Variants in GRID2 observed in about 807,000 individuals in gnomAD.
GRID2 encodes glutamate ionotropic receptor delta type subunit 2.
In GRID2, 33 loss-of-function variants were observed where a neutral mutation model predicts 114.8. The ratio of observed to expected loss-of-function variants is 0.29; its 90% confidence interval spans 0.22 to 0.38. The LOEUF is 0.38. GRID2 is among the 10% of genes least tolerant of loss of function. The pLI, the probability that GRID2 is intolerant of heterozygous loss-of-function variation, is 1.00. For synonymous variants in GRID2, 505 were observed against 449.9 expected (o/e 1.12, Z -1.55); for missense variants, 1,184 against 1,257.7 (o/e 0.94, Z 0.89).
chr4:92,402,874 C>T (rs550833424), intron 1 of GRID2, among the ~76,000 whole-genome samples: 9 of 152,302 alleles, frequency 5.9e-5, no homozygotes, highest in African/African-American at 2.2e-4. Context: ...GAAAGTCCTA[C>T]ATGGCATCTT....
intron 13 of GRID2, among the ~76,000 whole-genome samples, chr4:93,599,836 C>T (rs1739490182): frequency 6.6e-6 from 1 of 152,038 alleles, no homozygotes; most frequent in Non-Finnish European, 1.5e-5. Context: ...GTTTTACTGG[C>T]TTGGAGTGTC....
intron 8 of GRID2, among the ~76,000 whole-genome samples, chr4:93,367,901 G>A (rs945890929): frequency 3.9e-5 from 6 of 152,024 alleles, no homozygotes; most frequent in African/African-American, 1.2e-4. Flanking sequence ...AAATAACATA[G>A]GGTTGATTAA....
At chr4:92,489,832 C>T (rs541603809) in intron 1 of GRID2, among the ~76,000 whole-genome samples, 5 of 143,952 alleles carry the variant, frequency 3.5e-5, no homozygotes, top group Non-Finnish European at 7.5e-5. Context: ...GGCGATAGAG[C>T]GAGACTCCAT....
At chr4:93,726,102 G>A (rs985498665) in intron 14 of GRID2, among the ~76,000 whole-genome samples, 41 of 152,268 alleles carry the variant, frequency 2.7e-4, no homozygotes, top group South Asian at 6.2e-4. Flanking sequence ...TTCTTCTAGG[G>A]TTTTTATGGT....
At chr4:92,979,701 C>G (rs549225216) in intron 2 of GRID2, among the ~76,000 whole-genome samples, 7 of 152,176 alleles carry the variant, frequency 4.6e-5, no homozygotes, top group Non-Finnish European at 8.8e-5. Flanking sequence ...AGTGTGAACC[C>G]AGCTTACAAG....
At chr4:92,841,099 TC>T (rs1742857922) in intron 2 of GRID2, among the ~76,000 whole-genome samples, 1 of 152,168 alleles carries the variant, frequency 6.6e-6, no homozygotes, top group East Asian at 1.9e-4. Flanking sequence ...ATTATGATCT[TC>T]CTAGTAACTC....
Position 92,931,466 on chromosome 4 carries a change from T to A in GRID2, c.245-153529T>A, listed in dbSNP as rs906446331. Among the ~76,000 whole-genome samples, 3 of 150,964 alleles carry A rather than the reference T, an allele frequency of 2.0e-5. No homozygotes were observed. The Admixed American group carries it at 2.0e-4, about 10-fold the overall frequency. On this transcript the variant is annotated intron_variant, in intron 2 of 15. Transcript: ENST00000282020. ...CCTGTACTCAACATTGCATTAGAAT[T>A]CTTATGGTAGTGTAATTTAGCAGAA...
intron 1 of GRID2, among the ~76,000 whole-genome samples, chr4:92,350,183 C>T (rs1727994476): frequency 6.6e-6 from 1 of 151,636 alleles, no homozygotes; most frequent in South Asian, 2.1e-4. Flanking sequence ...GCATGTATTA[C>T]CTCATTTTTT....
intron 2 of GRID2, among the ~76,000 whole-genome samples, chr4:92,664,277 G>A (rs941726537): frequency 6.6e-6 from 1 of 150,890 alleles, no homozygotes. Context: ...TTGGTTTGTT[G>A]CATTTTTGTT....
At chr4:93,031,032 A>ATTTTTT (rs576187018) in intron 2 of GRID2, among the ~76,000 whole-genome samples, 1 of 106,210 alleles carries the variant, frequency 9.4e-6, no homozygotes. Context: ...TCCAATCTCC[A>ATTTTTT]TTTTTTTTTT....
At position 93,371,741 on chromosome 4, in the gene GRID2, C is replaced by CTTTTT. The variant is rs1205096650; in HGVS notation, c.1246-23847_1246-23843dup. Among the ~76,000 whole-genome samples, 83 of 89,784 alleles carry CTTTTT rather than the reference C, an allele frequency of 9.2e-4. 1 individual carries two copies. Among genetic ancestry groups the CTTTTT allele is most frequent in the African/African-American group, 1.4e-3 (30 of 21,462 alleles). The allele number at this position is 89,784 out of a possible 152,430, so 58.9% of individuals were successfully genotyped here. A position where few individuals can be genotyped will look rare whatever the true frequency, so the allele number is the denominator to read the frequency against. On this transcript the variant is annotated intron_variant, in intron 8 of 15. Coordinates refer to ENST00000282020, the MANE Select transcript of GRID2 (RefSeq NM_001510.4). ...ATTGGTATATACATAATCACTATTT[C>CTTTTT]TTTTTTTTTTTTTTTTTTTTTTTGG...
intron 10 of GRID2, among the ~76,000 whole-genome samples, chr4:93,430,162 A>G (rs375962751): frequency 2.0e-5 from 3 of 152,026 alleles, no homozygotes; most frequent in Admixed American, 6.6e-5. Context: ...GGGAGGCTTT[A>G]TAAATATTTT....
At chr4:92,625,296 G>T (rs371433988) in intron 2 of GRID2, among the ~76,000 whole-genome samples, 1 of 151,734 alleles carries the variant, frequency 6.6e-6, no homozygotes, top group Non-Finnish European at 1.5e-5. Context: ...TAATAGGATT[G>T]TGCTATCACA....
chr4:93,620,673 C>T (rs1219880761), intron 13 of GRID2, among the ~76,000 whole-genome samples: 1 of 152,112 alleles, frequency 6.6e-6, no homozygotes, highest in African/African-American at 2.4e-5. Flanking sequence ...CTTTACTTGG[C>T]AAGAAATGCA....
intron 1 of GRID2, among the ~76,000 whole-genome samples, chr4:92,504,831 A>C (rs1257248524): frequency 6.6e-6 from 1 of 152,034 alleles, no homozygotes; most frequent in African/African-American, 2.4e-5. Context: ...AAGAGAAAAC[A>C]TTTCATTTTG....
chr4:92,800,314 G>C (rs1250453779), intron 2 of GRID2, among the ~76,000 whole-genome samples: 1 of 151,340 alleles, frequency 6.6e-6, no homozygotes, highest in East Asian at 2.0e-4. Context: ...TAACAAAAGA[G>C]AAAGGAAGGA....
chr4:93,318,877 T>G (rs1414009436), intron 8 of GRID2: 1 of 152,180 alleles, frequency 6.6e-6, no homozygotes, highest in African/African-American at 2.4e-5. Flanking sequence ...TTTACTATTC[T>G]GACAAGCAAG....
At chr4:93,589,431 T>C (rs953507406) in intron 13 of GRID2, among the ~76,000 whole-genome samples, 5 of 151,950 alleles carry the variant, frequency 3.3e-5, no homozygotes, top group African/African-American at 9.7e-5. Context: ...ATGTGCCACA[T>C]TTTCTTAATC....
At chr4:92,845,568 A>C (rs1277954053) in intron 2 of GRID2, among the ~76,000 whole-genome samples, 1 of 152,082 alleles carries the variant, frequency 6.6e-6, no homozygotes, top group Non-Finnish European at 1.5e-5. Flanking sequence ...TAAATATACC[A>C]TCCTGCTCTC....
Sources: allele counts gnomAD v4.1 joint callset (sites outside exome capture counted in the v4.1 genomes callset), GRCh38; gene constraint gnomAD v4.1.1; transcripts MANE v1.5; gene names NCBI Gene and HGNC (gene_info 2026-07-23, HGNC 2026-07-21).